FAM167A: variants seen among roughly 807,000 people sequenced by gnomAD.
The protein encoded by FAM167A is family with sequence similarity 167 member A.
A neutral mutation model predicts 14.9 loss-of-function variants in FAM167A; 23 were observed. That is an observed-to-expected ratio of 1.55 (90% confidence interval 1.11 to 2.19). FAM167A has a LOEUF of 2.19. FAM167A is among the 30% of genes most tolerant of loss of function. The pLI, the probability that FAM167A is intolerant of heterozygous loss-of-function variation, is 0.00. For synonymous variants in FAM167A, 174 were observed against 117.7 expected, an observed-to-expected ratio of 1.48 and a Z score of -3.10; for missense variants, 401 against 281.5, an observed-to-expected ratio of 1.42 and a Z score of -3.04.
intron 2 of FAM167A, among the ~76,000 whole-genome samples, chr8:11,442,035 A>C (rs1806471673): frequency 6.6e-6 from 1 of 152,232 alleles, no homozygotes; most frequent in African/African-American, 2.4e-5. Flanking sequence ...AGCACTTTTA[A>C]TAATGCTAAT....
intron 2 of FAM167A, chr8:11,434,694 A>T (rs912392376): frequency 9.0e-6 from 2 of 221,180 alleles, no homozygotes; most frequent in African/African-American, 4.6e-5. Context: ...ATGCATTCCG[A>T]AGAGCCCCTA....
chr8:11,453,122 C>T (rs1807092233), intron 1 of FAM167A, among the ~76,000 whole-genome samples: 1 of 152,240 alleles, frequency 6.6e-6, no homozygotes. Flanking sequence ...TGTCCTGCTG[C>T]CGGTTATCCT....
At position 11,444,165 on chromosome 8, in the gene FAM167A, G is replaced by T. The variant is rs376899787; in HGVS notation, c.247C>A (p.Leu83Ile). Reference protein sequence around the residue: ...EGERGGQEPLLPLREAGQHPP... With the variant: ...EGERGGQEPLIPLREAGQHPP... ...TGCTGCCCAGCCTCTCTCAGGGGGA[G>T]CAAGGGCTCCTGCCCCCCACGCTCC... is the stretch of plus-strand genomic sequence containing the variant. Residue 83 changes from leucine (L) to isoleucine (I), a missense_variant, in exon 2 of 3, where the codon CTC becomes ATC. Leu to Ile is a conservative substitution (Grantham distance 5, BLOSUM62 2). Transcript: ENST00000284486. 41 of 1,612,926 alleles carry T rather than the reference G, an allele frequency of 2.5e-5. No individual in the cohort carries two copies. The highest frequency in any genetic ancestry group is 3.2e-5 in the Non-Finnish European group (38 of 1,179,838).
At chr8:11,432,944 CTCAGCAAACCAACACAGAA>C (rs1805716348) in intron 2 of FAM167A, among the ~76,000 whole-genome samples, 1 of 152,152 alleles carries the variant, frequency 6.6e-6, no homozygotes, top group Admixed American at 6.5e-5. Context: ...AACCATCATT[CTCAGCAAACCAACACAGAA>C]ACAGAAAACC....
chr8:11,429,757 T>A (rs1805446344), intron 2 of FAM167A, among the ~76,000 whole-genome samples: 1 of 152,162 alleles, frequency 6.6e-6, no homozygotes, highest in Non-Finnish European at 1.5e-5. Context: ...AGCCCTGGGT[T>A]AGAACCCAGG....
Position 11,437,228 on chromosome 8 carries a change from T to C in FAM167A, c.381+6803A>G, listed in dbSNP as rs150260386. The stretch of plus-strand genomic sequence containing the variant: ...AAATTCCTGCTCTGCTGATTGATCT[T>C]GGGCAAGTTTTTTAACCTCAGTTTT... On this transcript the variant is annotated intron_variant, in intron 2 of 2. Transcript: ENST00000284486. Among the ~76,000 whole-genome samples, 123 of 152,304 alleles carry C rather than the reference T, an allele frequency of 8.1e-4. No homozygotes were observed. In the East Asian group the frequency reaches 0.022, roughly 27 times the overall value.
At chr8:11,434,710 G>A (rs1420271250) in intron 2 of FAM167A, 3 of 240,146 alleles carry the variant, frequency 1.2e-5, no homozygotes, top group Non-Finnish European at 2.5e-5. Flanking sequence ...CCCTAGATCT[G>A]CCACTAGGGG....
intron 2 of FAM167A, among the ~76,000 whole-genome samples, chr8:11,439,093 A>G (rs1004561930): frequency 7.2e-5 from 11 of 152,202 alleles, no homozygotes; most frequent in African/African-American, 2.4e-4. Context: ...GAACCAAGTG[A>G]TGTGTGTCTG....
intron 1 of FAM167A, among the ~76,000 whole-genome samples, chr8:11,460,403 C>A (rs1006309173): frequency 6.6e-6 from 1 of 152,182 alleles, no homozygotes; most frequent in Non-Finnish European, 1.5e-5. Flanking sequence ...CCCTCTTCCA[C>A]CCTGACACAT....
chr8:11,455,158 G>A (rs1191920878), intron 1 of FAM167A, among the ~76,000 whole-genome samples: 4 of 140,168 alleles, frequency 2.9e-5, no homozygotes, highest in African/African-American at 1.1e-4. Context: ...GTGTGTGACT[G>A]TGGTGGGGTT....
intron 1 of FAM167A, among the ~76,000 whole-genome samples, chr8:11,453,337 T>G (rs996326821): frequency 6.6e-6 from 1 of 152,216 alleles, no homozygotes; most frequent in African/African-American, 2.4e-5. Flanking sequence ...CATGCCTGAC[T>G]CTAAATAACA....
Position 11,444,043 on chromosome 8 carries a change from G to C in FAM167A, c.369C>G (p.Leu123=). The part of the protein sequence containing the change: ...FQSIDEAIAW[L]RKELTEMRLQ... ...GGCAGCCACTCACCAGTTCCTTCCT[G>C]AGCCAGGCTATAGCTTCATCGATGC... The change falls in exon 2 of 3, where the codon CTC becomes CTG. Residue 123 remains leucine (L), a synonymous_variant. Coordinates refer to ENST00000284486, the MANE Select transcript of FAM167A (RefSeq NM_053279.3). 1.2e-6 allele frequency: 2 copies of C among 1,612,384 alleles called. No individual in the cohort carries two copies. Among genetic ancestry groups the C allele is most frequent in the Non-Finnish European group, 1.7e-6 (2 of 1,179,310 alleles).
At chr8:11,430,003 A>T (rs575771588) in intron 2 of FAM167A, among the ~76,000 whole-genome samples, 66 of 152,336 alleles carry the variant, frequency 4.3e-4, no homozygotes, top group African/African-American at 1.4e-3. Flanking sequence ...CAGAACATGG[A>T]ACCCAGCAAG....
chr8:11,446,231 C>A (rs4585709), intron 1 of FAM167A, among the ~76,000 whole-genome samples: 3,125 of 152,258 alleles, frequency 0.021, 55 homozygotes, highest in South Asian at 0.056. Flanking sequence ...GCAGAACTTT[C>A]CAGTCCAGAC....
chr8:11,427,542 G>C (rs1328729403), intron 2 of FAM167A, among the ~76,000 whole-genome samples: 1 of 152,202 alleles, frequency 6.6e-6, no homozygotes, highest in Non-Finnish European at 1.5e-5. Flanking sequence ...GAGATGCCCT[G>C]TAGTTATGCA....
At chr8:11,463,632 G>C (rs1202976908) in intron 1 of FAM167A, among the ~76,000 whole-genome samples, 1 of 152,184 alleles carries the variant, frequency 6.6e-6, no homozygotes, top group Admixed American at 6.5e-5. Flanking sequence ...TGTCCCTCTA[G>C]GGATGCCCAA....
chr8:11,456,138 T>TGCATGA (rs1807275265), intron 1 of FAM167A, among the ~76,000 whole-genome samples: 1 of 24,102 alleles, frequency 4.1e-5, no homozygotes, highest in South Asian at 1.3e-3. Flanking sequence ...TGCCTTGCTG[T>TGCATGA]GTGTGTGTGT....
chr8:11,473,925 T>A (rs2117178519), intron 1 of FAM167A, among the ~76,000 whole-genome samples: 1 of 152,222 alleles, frequency 6.6e-6, no homozygotes, highest in Admixed American at 6.5e-5. Context: ...CAGGCTGGAG[T>A]GCAGTGGCGC....
At chr8:11,461,216 C>T (rs1986630) in intron 1 of FAM167A, among the ~76,000 whole-genome samples, 140 of 152,246 alleles carry the variant, frequency 9.2e-4, no homozygotes, top group Non-Finnish European at 1.6e-3. Context: ...TCCAAGGCTG[C>T]GGGGCTCTGG....
Sources: allele counts gnomAD v4.1 joint callset (sites outside exome capture counted in the v4.1 genomes callset), GRCh38; gene constraint gnomAD v4.1.1; transcripts MANE v1.5; gene names NCBI Gene and HGNC (gene_info 2026-07-23, HGNC 2026-07-21).